The following NEGR1 variants were observed in gnomAD, a reference collection of about 807,000 sequenced individuals.
The protein encoded by NEGR1 is neuronal growth regulator 1.
A neutral mutation model predicts 40.9 loss-of-function variants in NEGR1; 10 were observed. That is an observed-to-expected ratio of 0.24 (90% CI 0.15 to 0.42). NEGR1 has a LOEUF of 0.42. Ranked by LOEUF, NEGR1 falls within the 10% of genes least tolerant of loss-of-function variation. The pLI, the probability that NEGR1 is intolerant of heterozygous loss-of-function variation, is 1.00. For missense variants in NEGR1, 352 were observed against 438.9 expected (o/e 0.80, Z 1.77); for synonymous variants, 185 against 166.8 (o/e 1.11, Z -0.84).
chr1:71,683,520 A>C (rs550178921), intron 4 of NEGR1, among the ~76,000 whole-genome samples: 1 of 141,890 alleles, frequency 7.0e-6, no homozygotes, highest in African/African-American at 2.6e-5. Flanking sequence ...TTAGTTGTTT[A>C]AGTCCAAAGT....
At chr1:71,755,892 G>GA (rs1655716505) in intron 3 of NEGR1, among the ~76,000 whole-genome samples, 1 of 152,068 alleles carries the variant, frequency 6.6e-6, no homozygotes, top group African/African-American at 2.4e-5. Context: ...GAGTTTTGAA[G>GA]AAAACAGATG....
At chr1:71,969,397 A>G (rs1470230786) in intron 1 of NEGR1, among the ~76,000 whole-genome samples, 1 of 152,198 alleles carries the variant, frequency 6.6e-6, no homozygotes, top group Non-Finnish European at 1.5e-5. Flanking sequence ...AAATCCTGTT[A>G]TACAGTATTG....
At chr1:72,168,505 A>C (rs1161039584) in intron 1 of NEGR1, among the ~76,000 whole-genome samples, 2 of 152,100 alleles carry the variant, frequency 1.3e-5, no homozygotes, top group African/African-American at 4.8e-5. Flanking sequence ...TAACATTTTT[A>C]AGTGGAATTA....
rs574018292 is a variant in NEGR1, at chr1:71,397,152, G to A, written c.*10294C>T. The stretch of plus-strand genomic sequence containing the variant: ...TAACTTGTTGGGAACTGGAGCAAAG[G>A]TGACTCTTGTTATGTTTTAGCAAAG... On this transcript the variant is annotated 3_prime_UTR_variant, in exon 7 of 7. Coordinates refer to ENST00000357731, the MANE Select transcript of NEGR1 (RefSeq NM_173808.3). The A allele has an allele frequency of 1.1e-3, 163 of 154,540 alleles. No homozygotes were observed. The highest frequency in any genetic ancestry group is 1.7e-3 in the Non-Finnish European group (118 of 69,860). The allele number at this position is 154,540 out of a possible 1,614,324, so 9.6% of individuals were successfully genotyped here.
chr1:71,874,819 G>A (rs958459492), intron 2 of NEGR1, among the ~76,000 whole-genome samples: 2 of 151,902 alleles, frequency 1.3e-5, no homozygotes, highest in East Asian at 1.9e-4. Context: ...GAAACTTTTC[G>A]GTTTCCACAG....
chr1:71,990,344 G>T (rs570879157), intron 1 of NEGR1, among the ~76,000 whole-genome samples: 1 of 152,040 alleles, frequency 6.6e-6, no homozygotes, highest in South Asian at 2.1e-4. Context: ...CAAAAATACT[G>T]CTCTTTTCTA....
intron 1 of NEGR1, among the ~76,000 whole-genome samples, chr1:71,974,022 G>C (rs146514600): frequency 6.6e-6 from 1 of 152,000 alleles, no homozygotes; most frequent in South Asian, 2.1e-4. Context: ...GAGGAATTCA[G>C]CTCTTTACAG....
chr1:72,222,093 G>C (rs1456820776), intron 1 of NEGR1, among the ~76,000 whole-genome samples: 1 of 152,108 alleles, frequency 6.6e-6, no homozygotes, highest in East Asian at 1.9e-4. Context: ...TGTAGACACA[G>C]AGAACAGGTC....
rs947050311 is a variant in NEGR1 at position 71,616,646 on chromosome 1, G to A, written c.668-5500C>T. Among the ~76,000 whole-genome samples, 4 of 152,152 alleles carry A rather than the reference G, an allele frequency of 2.6e-5. No homozygotes were observed. The South Asian group carries it at 8.3e-4, about 32-fold the overall frequency. On this transcript the variant is annotated intron_variant, in intron 4 of 6. Coordinates refer to ENST00000357731, the MANE Select transcript of NEGR1 (RefSeq NM_173808.3). ...AACTGCATCTGGTGGCAGGCTTTAA[G>A]TCAGAATCTGACACTTTAGTCTGCA...
At chr1:71,499,575 T>G (rs1646986394) in intron 6 of NEGR1, among the ~76,000 whole-genome samples, 1 of 150,632 alleles carries the variant, frequency 6.6e-6, no homozygotes, top group Non-Finnish European at 1.5e-5. Context: ...ACTCAAAATG[T>G]GACAAAGAAC....
At chr1:71,907,720 A>G (rs1304216884) in intron 2 of NEGR1, among the ~76,000 whole-genome samples, 1 of 152,094 alleles carries the variant, frequency 6.6e-6, no homozygotes, top group Non-Finnish European at 1.5e-5. Flanking sequence ...TTGCAGCACT[A>G]CTCATCATAG....
intron 1 of NEGR1, among the ~76,000 whole-genome samples, chr1:72,244,842 C>T (rs1654855161): frequency 6.6e-6 from 1 of 151,896 alleles, no homozygotes; most frequent in African/African-American, 2.4e-5. Context: ...ACAACTCAGG[C>T]CTAAAGCTTA....
intron 1 of NEGR1, among the ~76,000 whole-genome samples, chr1:72,103,759 A>T (rs1649030168): frequency 6.6e-6 from 1 of 151,982 alleles, no homozygotes; most frequent in South Asian, 2.1e-4. Flanking sequence ...GCCCTTCAAC[A>T]AGCAGAGTCT....
chr1:71,621,121 G>GAA (rs1650594699), intron 4 of NEGR1, among the ~76,000 whole-genome samples: 1 of 151,786 alleles, frequency 6.6e-6, no homozygotes, highest in Non-Finnish European at 1.5e-5. Context: ...GGGCAAAAAA[G>GAA]AAAAATGAAT....
intron 6 of NEGR1, among the ~76,000 whole-genome samples, chr1:71,480,873 C>T (rs1300234228): frequency 1.3e-5 from 2 of 151,746 alleles, no homozygotes; most frequent in Non-Finnish European, 2.9e-5. Flanking sequence ...ATTAATAAAA[C>T]AGGGGCTCAG....
intron 1 of NEGR1, among the ~76,000 whole-genome samples, chr1:72,103,798 T>C (rs541692352): frequency 7.8e-4 from 119 of 152,076 alleles, no homozygotes; most frequent in Non-Finnish European, 1.4e-3. Flanking sequence ...AAGTGGGGTG[T>C]TGACAGGAGT....
chr1:71,553,840 TTCA>T (rs1404479860), intron 6 of NEGR1, among the ~76,000 whole-genome samples: 1 of 151,584 alleles, frequency 6.6e-6, no homozygotes, highest in Non-Finnish European at 1.5e-5. Flanking sequence ...CACAAATATC[TTCA>T]TATTATTAGC....
chr1:71,747,212 A>C (rs935076324), intron 3 of NEGR1, among the ~76,000 whole-genome samples: 3 of 151,868 alleles, frequency 2.0e-5, no homozygotes, highest in East Asian at 1.9e-4. Context: ...TATAAATCTC[A>C]TTAATAAAAA....
intron 6 of NEGR1, among the ~76,000 whole-genome samples, chr1:71,432,410 G>A (rs1328728000): frequency 1.3e-5 from 2 of 152,270 alleles, no homozygotes; most frequent in South Asian, 2.1e-4. Context: ...CAAAACTCAT[G>A]TAACAACTGA....
Sources: gnomAD v4.1 joint callset for allele counts (sites outside exome capture counted in the v4.1 genomes callset) on GRCh38, gnomAD v4.1.1 for gene constraint, MANE v1.5 for transcripts, NCBI Gene and HGNC (gene_info 2026-07-23, HGNC 2026-07-21) for gene names.